NRG3: variants seen among roughly 807,000 people sequenced by gnomAD.
NRG3 encodes the protein neuregulin 3.
Under a neutral mutation model 66.9 loss-of-function variants are expected in NRG3, and 31 were observed. The ratio of observed to expected loss-of-function variants is 0.46; its 90% CI spans 0.35 to 0.63. NRG3 has a LOEUF of 0.63. Ranked by LOEUF, NRG3 falls within the 20% of genes least tolerant of loss-of-function variation. The pLI is 0.00. For missense variants in NRG3, 910 were observed against 878.9 expected (o/e 1.04, Z -0.45); for synonymous variants, 393 against 359.4 (o/e 1.09, Z -1.06).
At chr10:82,846,109 G>C (rs185849741) in intron 3 of NRG3, among the ~76,000 whole-genome samples, 1 of 152,210 alleles carries the variant, frequency 6.6e-6, no homozygotes, top group East Asian at 1.9e-4. Flanking sequence ...TCATGGGTGG[G>C]ATTATAGACT....
intron 3 of NRG3, among the ~76,000 whole-genome samples, chr10:82,764,520 G>A (rs111908700): frequency 0.038 from 5,721 of 151,312 alleles, 378 homozygotes; most frequent in African/African-American, 0.13. Context: ...CCACCGCCAC[G>A]CCTGGCTAAT....
intron 1 of NRG3, among the ~76,000 whole-genome samples, chr10:81,990,843 C>T (rs1024449990): frequency 1.3e-5 from 2 of 151,512 alleles, no homozygotes; most frequent in African/African-American, 4.9e-5. Context: ...AAGAAAAATC[C>T]CGTTGCTTAA....
chr10:82,411,485 G>A (rs1418932100), intron 2 of NRG3, among the ~76,000 whole-genome samples: 3 of 152,066 alleles, frequency 2.0e-5, no homozygotes, highest in Non-Finnish European at 2.9e-5. Flanking sequence ...AGCCTCTGTC[G>A]TCCTCAAACA....
chr10:82,594,254 A>C (rs757960176), intron 2 of NRG3, among the ~76,000 whole-genome samples: 1 of 152,218 alleles, frequency 6.6e-6, no homozygotes, highest in African/African-American at 2.4e-5. Flanking sequence ...ATCTTTCTGC[A>C]TATAAGAAAA....
intron 8 of NRG3, chr10:82,984,784 A>C (rs780272872): frequency 6.4e-7 from 1 of 1,551,886 alleles, no homozygotes. Flanking sequence ...GTATTCTAGG[A>C]TAGAGGTCAG....
At chr10:81,935,856 A>G (rs188708330) in intron 1 of NRG3, among the ~76,000 whole-genome samples, 157 of 141,604 alleles carry the variant, frequency 1.1e-3, no homozygotes, top group African/African-American at 4.0e-3. Flanking sequence ...GCTTTTTTTC[A>G]TTATACTTTT....
At chr10:82,964,304 GGTGCTATCA>G (rs1324902099) in intron 6 of NRG3, among the ~76,000 whole-genome samples, 2 of 152,060 alleles carry the variant, frequency 1.3e-5, no homozygotes, top group East Asian at 3.9e-4. Context: ...AATAGTGAAC[GGTGCTATCA>G]GAGCTTATAG....
chr10:82,071,706 TACTTACATTTC>T (rs1228258744), intron 1 of NRG3, among the ~76,000 whole-genome samples: 3 of 152,158 alleles, frequency 2.0e-5, no homozygotes, highest in Admixed American at 2.0e-4. Flanking sequence ...GACATTATTT[TACTTACATTTC>T]AACATCATCA....
intron 2 of NRG3, among the ~76,000 whole-genome samples, chr10:82,385,416 G>T (rs778774215): frequency 9.2e-5 from 14 of 152,200 alleles, no homozygotes; most frequent in Admixed American, 2.6e-4. Flanking sequence ...TTCTCTTGGA[G>T]GAAAGATATA....
chr10:81,921,446 C>G (rs1444237342), intron 1 of NRG3, among the ~76,000 whole-genome samples: 1 of 152,074 alleles, frequency 6.6e-6, no homozygotes, highest in Non-Finnish European at 1.5e-5. Flanking sequence ...TAATATCTAT[C>G]TGGATTTTTC....
At chr10:82,783,145 A>G (rs1005131232) in intron 3 of NRG3, among the ~76,000 whole-genome samples, 1 of 152,212 alleles carries the variant, frequency 6.6e-6, no homozygotes, top group Non-Finnish European at 1.5e-5. Context: ...GGCCTTTGAC[A>G]AAATTCAACA....
At chr10:81,938,345 CAAT>C (rs1285093392) in intron 1 of NRG3, among the ~76,000 whole-genome samples, 1 of 150,236 alleles carries the variant, frequency 6.7e-6, no homozygotes, top group African/African-American at 2.4e-5. Context: ...TTAAGTCTTA[CAAT>C]CCATGGCCAT....
At chr10:82,976,065 AT>A (rs1325199515) in intron 7 of NRG3, among the ~76,000 whole-genome samples, 1 of 151,692 alleles carries the variant, frequency 6.6e-6, no homozygotes, top group Non-Finnish European at 1.5e-5. Context: ...TTATTATTTT[AT>A]TTTTTTGGAG....
intron 1 of NRG3, among the ~76,000 whole-genome samples, chr10:82,043,595 G>C (rs1357795760): frequency 6.6e-6 from 1 of 151,796 alleles, no homozygotes; most frequent in Non-Finnish European, 1.5e-5. Context: ...GAGTATTTTT[G>C]CACACTGGAG....
chr10:82,472,987 C>T (rs919741556), intron 2 of NRG3, among the ~76,000 whole-genome samples: 1 of 152,178 alleles, frequency 6.6e-6, no homozygotes, highest in African/African-American at 2.4e-5. Context: ...CATTTTCCTT[C>T]TGAGCTGATG....
chr10:82,373,755 A>G (rs1344397800), intron 2 of NRG3, among the ~76,000 whole-genome samples: 1 of 152,202 alleles, frequency 6.6e-6, no homozygotes. Context: ...TATAGTCACA[A>G]TCAAAATCAC....
intron 4 of NRG3, among the ~76,000 whole-genome samples, chr10:82,888,891 G>T (rs747988034): frequency 3.9e-5 from 6 of 152,110 alleles, no homozygotes. Flanking sequence ...AAGCTCTGTG[G>T]ATTTTTAAGG....
chr10:82,950,222 T>C (rs1849395717), intron 4 of NRG3, among the ~76,000 whole-genome samples: 2 of 152,342 alleles, frequency 1.3e-5, no homozygotes, highest in Admixed American at 6.5e-5. Flanking sequence ...AGAATGTATA[T>C]AGATGCAATT....
chr10:82,556,069 C>G (rs542315432), intron 2 of NRG3, among the ~76,000 whole-genome samples: 1 of 152,284 alleles, frequency 6.6e-6, no homozygotes, highest in Non-Finnish European at 1.5e-5. Context: ...CTTCTCACCT[C>G]ACAGCTTCAT....
Sources: allele counts gnomAD v4.1 joint callset (sites outside exome capture counted in the v4.1 genomes callset), GRCh38; gene constraint gnomAD v4.1.1; transcripts MANE v1.5; gene names NCBI Gene and HGNC (gene_info 2026-07-23, HGNC 2026-07-21).